Variants in NNT observed in about 807,000 individuals in gnomAD.
NNT encodes the protein nicotinamide nucleotide transhydrogenase, also known as NAD(P) transhydrogenase, mitochondrial.
NNT carries 50 observed loss-of-function variants against 104.8 expected under a neutral mutation model. That is an observed-to-expected ratio of 0.48 (90% confidence interval 0.38 to 0.60). The LOEUF (loss-of-function observed/expected upper bound fraction) is 0.60. Ranked by LOEUF, NNT falls within the 20% of genes least tolerant of loss-of-function variation. The pLI is 0.00. For synonymous variants in NNT, 461 were observed against 490.4 expected, an observed-to-expected ratio of 0.94 and a Z score of 0.79; for missense variants, 1,131 against 1,330.7, an observed-to-expected ratio of 0.85 and a Z score of 2.33.
At position 43,700,033 on chromosome 5, in the gene NNT, AGT is replaced by A; in HGVS notation, c.2877-82_2877-81del. ...AAAAAAGCAGAGGTGCCAAGAACAA[AGT>A]GTGCAGATTTGGAGGTGATATTGGG... On this transcript the variant is annotated intron_variant, in intron 19 of 21. Coordinates refer to ENST00000344920, the MANE Select transcript of NNT (RefSeq NM_182977.3). 3.1e-6 allele frequency: 3 copies of A among 971,056 alleles called. No homozygotes were observed. The South Asian group carries it at 4.9e-5, about 16-fold the overall frequency. 60.2% of individuals were successfully genotyped at this position (971,056 alleles called of 1,614,324 possible).
At chr5:43,651,990 T>G in intron 13 of NNT, 106 bp downstream of exon 13, 1 of 1,220,468 alleles carries the variant, frequency 8.2e-7, no homozygotes, top group Non-Finnish European at 1.2e-6. Flanking sequence ...AATACAACTC[T>G]GTCAAGCAAA....
chr5:43,666,583 A>T (rs554909016), intron 17 of NNT, among the ~76,000 whole-genome samples: 73 of 136,306 alleles, frequency 5.4e-4, no homozygotes, highest in South Asian at 1.1e-3. Flanking sequence ...GAGACCGAGC[A>T]GAGAGGGAGG....
rs772989408 is a variant in NNT at position 43,665,440 on chromosome 5, ACG to A, written c.2634+6091_2634+6092del. ...GATTAGGGAGTGGTGATGACTCTTAACGAGCATGCTGCCTTCAAGCATCTGTT... is the reference window on the plus strand; with the variant it reads ...GATTAGGGAGTGGTGATGACTCTTAAAGCATGCTGCCTTCAAGCATCTGTT... On this transcript the variant is annotated intron_variant, in intron 17 of 21. Transcript: ENST00000344920. 5.9e-5 allele frequency among the ~76,000 whole-genome samples: 9 copies of A among 151,984 alleles called. 1 individual carries two copies. In the East Asian group the frequency reaches 1.2e-3, roughly 20 times the overall value.
rs1025949542 is a variant in NNT, at chr5:43,667,007, C to T, written c.2634+7657C>T. Reference sequence around the variant, plus strand: ...TTGGGCTTAACCTCCTTGGGCTTTACGAGGGCCTTGATAGCCTGGGCACGT... The same window carrying T: ...TTGGGCTTAACCTCCTTGGGCTTTATGAGGGCCTTGATAGCCTGGGCACGT... On this transcript the variant is annotated intron_variant, in intron 17 of 21. Transcript: ENST00000344920. The T allele has an allele frequency of 8.8e-6, 14 of 1,596,222 alleles. No individual in the cohort carries two copies. In the East Asian group the frequency reaches 8.9e-5, roughly 10 times the overall value.
intron 9 of NNT, 89 bp from the exon 10 acceptor site, chr5:43,645,268 A>T (rs565980320): frequency 3.9e-4 from 258 of 666,820 alleles, no homozygotes; most frequent in Non-Finnish European, 4.7e-4. Context: ...ATTTAAAAGA[A>T]CAGGGTTTTA....
intron 17 of NNT, among the ~76,000 whole-genome samples, chr5:43,660,119 A>T (rs1740278917): frequency 6.6e-6 from 1 of 152,188 alleles, no homozygotes; most frequent in African/African-American, 2.4e-5. Context: ...TATACATATG[A>T]AGTTGTTTGA....
At position 43,707,277 on chromosome 5, in the gene NNT, C is replaced by T. The variant is rs1743120755; in HGVS notation, c.*2873C>T. On this transcript the variant is annotated 3_prime_UTR_variant, in exon 22 of 22. Coordinates refer to ENST00000344920, the MANE Select transcript of NNT (RefSeq NM_182977.3). ...AGAGAGTGGATGTGAAGTGTTCTCACCACAAAAGTGATAACTAATTGAGGT... is the reference window on the plus strand; with the variant it reads ...AGAGAGTGGATGTGAAGTGTTCTCATCACAAAAGTGATAACTAATTGAGGT... The T allele has an allele frequency of 6.6e-6, 1 of 151,796 alleles. No individual in the cohort carries two copies. The highest frequency in any genetic ancestry group is 6.6e-5 in the Admixed American group (1 of 15,244). 9.4% of individuals were successfully genotyped at this position (151,796 alleles called of 1,614,324 possible).
intron 17 of NNT, among the ~76,000 whole-genome samples, chr5:43,670,293 C>G (rs1433054004): frequency 2.6e-5 from 4 of 152,060 alleles, no homozygotes; most frequent in Non-Finnish European, 2.9e-5. Flanking sequence ...CAGTTCTGCT[C>G]TGATCTTAGT....
Position 43,645,493 on chromosome 5 carries a change from C to T in NNT, c.1427C>T (p.Ala476Val), listed in dbSNP as rs1367184486. 3.2e-6 allele frequency: 5 copies of T among 1,546,816 alleles called. No homozygotes were observed. Among genetic ancestry groups the T allele is most frequent in the Middle Eastern group, 1.7e-4 (1 of 5,850 alleles). ...CCCTTCAGGAAGACAATGTCAACGG[C>T]TTCTGCATATACAGCAGGTGAGGAT... ...ITPFRKTMST[A>V]SAYTAGLTGI... The change falls in exon 10 of 22, where the codon GCT becomes GTT. Residue 476 changes from alanine (A) to valine (V), a missense_variant. Transcript: ENST00000344920.
chr5:43,676,408 G>A (rs962135439), intron 18 of NNT, among the ~76,000 whole-genome samples: 4 of 152,212 alleles, frequency 2.6e-5, no homozygotes, highest in South Asian at 2.1e-4. Flanking sequence ...AGTTAGTTAT[G>A]TACTGAAGTA....
intron 19 of NNT, among the ~76,000 whole-genome samples, chr5:43,690,088 A>G (rs576954051): frequency 2.0e-5 from 3 of 152,304 alleles, no homozygotes; most frequent in East Asian, 1.9e-4. Flanking sequence ...TTTGGAAAAC[A>G]TGTTTGAGGG....
At position 43,655,936 on chromosome 5, in the gene NNT, T is replaced by A; in HGVS notation, c.2156T>A (p.Ile719Lys). ...GGTTTGGCAGCTGTACTTACTTGCA[T>A]AGCTGAGTACATTATAGAATATCCA... ...LVGLAAVLTC[I>K]AEYIIEYPHF... is the part of the protein sequence containing the mutation. Residue 719 changes from isoleucine (I) to lysine (K), a missense_variant, in exon 15 of 22, where the codon ATA (isoleucine) becomes AAA (lysine). Coordinates refer to ENST00000344920, the MANE Select transcript of NNT (RefSeq NM_182977.3). The A allele has an allele frequency of 6.2e-7, 1 of 1,614,084 alleles. No homozygotes were observed.
chr5:43,667,829 T>A (rs1427915691), intron 17 of NNT, among the ~76,000 whole-genome samples: 1 of 152,332 alleles, frequency 6.6e-6, no homozygotes, highest in Non-Finnish European at 1.5e-5. Context: ...TTCTAGATCC[T>A]TGAGGAATCG....
intron 19 of NNT, among the ~76,000 whole-genome samples, chr5:43,679,223 C>T (rs1047597536): frequency 1.3e-5 from 2 of 152,160 alleles, no homozygotes; most frequent in African/African-American, 4.8e-5. Context: ...TGTTAAACAA[C>T]GTTTTATGAT....
At chr5:43,679,000 A>G (rs1440986283) in intron 19 of NNT, among the ~76,000 whole-genome samples, 1 of 152,168 alleles carries the variant, frequency 6.6e-6, no homozygotes, top group Admixed American at 6.5e-5. Context: ...TGGGACCAGC[A>G]TTTCTGTGAC....
intron 19 of NNT, among the ~76,000 whole-genome samples, chr5:43,688,037 T>C (rs1383263630): frequency 6.6e-6 from 1 of 152,190 alleles, no homozygotes; most frequent in African/African-American, 2.4e-5. Context: ...TTAGCTAAAA[T>C]AGAAGTCCTA....
intron 7 of NNT, among the ~76,000 whole-genome samples, chr5:43,638,008 C>A (rs1751028834): frequency 6.6e-6 from 1 of 152,110 alleles, no homozygotes. Flanking sequence ...ACGGGAAGGA[C>A]CAGGTGGAGA....
intron 17 of NNT, among the ~76,000 whole-genome samples, chr5:43,675,021 A>G (rs540060985): frequency 2.4e-4 from 36 of 152,312 alleles, no homozygotes; most frequent in South Asian, 6.2e-4. Flanking sequence ...AGACAGTATC[A>G]ACCCCCATAT....
In NNT at chr5:43,656,686, G is replaced by C; in HGVS notation, c.2327G>C (p.Gly776Ala). The stretch of plus-strand genomic sequence containing the variant: ...AAATCTGCCCCTCTCCTACTGCCTG[G>C]AAGGCACTTACTCAATGCAGGCTTA... ...LLKSAPLLLPGRHLLNAGLLA... is the reference protein window; with the variant it reads ...LLKSAPLLLPARHLLNAGLLA... The change falls in exon 16 of 22, where the codon GGA (glycine) becomes GCA (alanine). Residue 776 changes from glycine to alanine, a missense_variant. Coordinates refer to ENST00000344920, the MANE Select transcript of NNT (RefSeq NM_182977.3). 8 of 1,613,888 alleles carry C rather than the reference G, an allele frequency of 5.0e-6. No individual in the cohort carries two copies. Among genetic ancestry groups the C allele is most frequent in the Non-Finnish European group, 6.8e-6 (8 of 1,179,954 alleles).
Sources: gnomAD v4.1 joint callset for allele counts (sites outside exome capture counted in the v4.1 genomes callset) on GRCh38, gnomAD v4.1.1 for gene constraint, MANE v1.5 for transcripts, NCBI Gene and HGNC (gene_info 2026-07-23, HGNC 2026-07-21) for gene names.